The following SLC16A1 variants were observed in gnomAD, a reference collection of about 807,000 sequenced individuals.
SLC16A1 encodes solute carrier family 16 member 1.
In SLC16A1, 11 loss-of-function variants were observed where a neutral mutation model predicts 32.2. That is an observed-to-expected ratio of 0.34 (90% CI 0.21 to 0.56). SLC16A1 has a LOEUF of 0.56. Ranked by LOEUF, SLC16A1 falls within the 20% of genes least tolerant of loss-of-function variation. The pLI, the probability that SLC16A1 is intolerant of heterozygous loss-of-function variation, is 0.87. For synonymous variants in SLC16A1, 231 were observed against 226.8 expected (o/e 1.02, Z -0.17); for missense variants, 435 against 615.0 (o/e 0.71, Z 3.10).
intron 4 of SLC16A1, among the ~76,000 whole-genome samples, chr1:112,915,775 A>AAGG (rs2101619587): frequency 6.6e-6 from 1 of 151,750 alleles, no homozygotes; most frequent in South Asian, 2.1e-4. Flanking sequence ...TATGAGATGG[A>AAGG]AGAAGACAGT....
intron 1 of SLC16A1, among the ~76,000 whole-genome samples, chr1:112,938,304 CTGT>C (rs1557852689): frequency 6.6e-6 from 1 of 152,126 alleles, no homozygotes; most frequent in African/African-American, 2.4e-5. Flanking sequence ...AGTAGATAAC[CTGT>C]TGTTCTCTGT....
intron 1 of SLC16A1, chr1:112,955,793 A>T (rs1382274002): frequency 6.6e-6 from 1 of 152,334 alleles, no homozygotes; most frequent in African/African-American, 2.4e-5. Flanking sequence ...TGGGACCGGC[A>T]TCTTAGCACG....
chr1:112,943,098 GATTTT>G (rs1221259128), intron 1 of SLC16A1, among the ~76,000 whole-genome samples: 1 of 152,136 alleles, frequency 6.6e-6, no homozygotes, highest in Non-Finnish European at 1.5e-5. Flanking sequence ...AAATAAGCAT[GATTTT>G]ATTTAGGGAG....
intron 1 of SLC16A1, among the ~76,000 whole-genome samples, chr1:112,945,482 C>G (rs913252904): frequency 6.6e-6 from 1 of 150,744 alleles, no homozygotes; most frequent in Non-Finnish European, 1.5e-5. Flanking sequence ...TGAGACCAGC[C>G]TGGCCAACGT....
At chr1:112,922,235 C>A (rs1648762773) in intron 2 of SLC16A1, 102 bp from the exon 3 acceptor site, 4 of 1,093,234 alleles carry the variant, frequency 3.7e-6, no homozygotes, top group Non-Finnish European at 5.5e-6. Flanking sequence ...AATAAACAAG[C>A]AGCAATGATA....
chr1:112,935,375 C>T (rs776195538), intron 1 of SLC16A1, among the ~76,000 whole-genome samples: 6 of 151,958 alleles, frequency 3.9e-5, no homozygotes, highest in Admixed American at 6.6e-5. Flanking sequence ...CACTACTGTA[C>T]TACAGCCTGG....
chr1:112,943,315 G>A (rs1291343865), intron 1 of SLC16A1, among the ~76,000 whole-genome samples: 1 of 152,104 alleles, frequency 6.6e-6, no homozygotes, highest in Non-Finnish European at 1.5e-5. Context: ...CAGCTACTCA[G>A]AAGACTCTCT....
intron 1 of SLC16A1, among the ~76,000 whole-genome samples, chr1:112,942,483 T>C (rs996343194): frequency 2.6e-5 from 4 of 152,230 alleles, no homozygotes; most frequent in Non-Finnish European, 4.4e-5. Flanking sequence ...ACATGTATTA[T>C]AAATATTTCT....
At chr1:112,950,469 A>G (rs1363286804) in intron 1 of SLC16A1, among the ~76,000 whole-genome samples, 1 of 152,252 alleles carries the variant, frequency 6.6e-6, no homozygotes, top group Admixed American at 6.5e-5. Context: ...CGATATCAGT[A>G]GATTTTGAGG....
chr1:112,952,944 G>A (rs1348514715), intron 1 of SLC16A1, among the ~76,000 whole-genome samples: 3 of 152,002 alleles, frequency 2.0e-5, no homozygotes, highest in Non-Finnish European at 4.4e-5. Flanking sequence ...TATCCTTAAC[G>A]TCTCTGACTT....
chr1:112,923,425 G>A, intron 2 of SLC16A1: 1 of 673,680 alleles, frequency 1.5e-6, no homozygotes, highest in Admixed American at 2.1e-5. Context: ...CCGCCATCAT[G>A]TCCCGGCCCT....
In SLC16A1 at chr1:112,913,978, C is replaced by T. The variant is rs773219691; in HGVS notation, c.1416G>A (p.Gly472=). The part of the protein sequence containing the change: ...KEEETSIDVA[G]KPNEVTKAAE... ...CTGCTTTGGTAACTTCATTTGGCTTCCCAGCAACATCTATACTGGTCTCTT... is the reference window on the plus strand; with the variant it reads ...CTGCTTTGGTAACTTCATTTGGCTTTCCAGCAACATCTATACTGGTCTCTT... The change falls in exon 5 of 5, where the codon GGG becomes GGA. Residue 472 remains glycine (G), a synonymous_variant. Coordinates refer to ENST00000369626, the MANE Select transcript of SLC16A1 (RefSeq NM_003051.4). 6.2e-7 allele frequency: 1 copy of T among 1,614,160 alleles called. No homozygotes were observed. The highest frequency in any genetic ancestry group is 8.5e-7 in the Non-Finnish European group (1 of 1,180,024).
chr1:112,923,629 A>G, intron 2 of SLC16A1: 3 of 1,434,626 alleles, frequency 2.1e-6, no homozygotes, highest in Middle Eastern at 3.9e-4. Flanking sequence ...CTCCGGTTCC[A>G]GCTGGAGACG....
chr1:112,953,001 T>C (rs550961416), intron 1 of SLC16A1, among the ~76,000 whole-genome samples: 1 of 152,284 alleles, frequency 6.6e-6, no homozygotes, highest in South Asian at 2.1e-4. Flanking sequence ...CACCAAATCC[T>C]GTCTGTTTCT....
chr1:112,933,124 A>G (rs542424899), intron 1 of SLC16A1, among the ~76,000 whole-genome samples: 1 of 152,276 alleles, frequency 6.6e-6, no homozygotes, highest in South Asian at 2.1e-4. Flanking sequence ...GGACTGAAAG[A>G]CTCAATATTT....
At chr1:112,935,121 G>T (rs1356703223) in intron 1 of SLC16A1, among the ~76,000 whole-genome samples, 1 of 152,126 alleles carries the variant, frequency 6.6e-6, no homozygotes, top group African/African-American at 2.4e-5. Context: ...ACTAGAAATG[G>T]AAAGTAAAGT....
At chr1:112,935,727 AT>A (rs1242689935) in intron 1 of SLC16A1, 3 of 152,230 alleles carry the variant, frequency 2.0e-5, no homozygotes, top group African/African-American at 7.2e-5. Context: ...AAAGAGAAAA[AT>A]CTTAGAAGAC....
At chr1:112,941,173 C>T (rs1029916301) in intron 1 of SLC16A1, among the ~76,000 whole-genome samples, 3 of 151,824 alleles carry the variant, frequency 2.0e-5, no homozygotes, top group Admixed American at 1.3e-4. Context: ...TGCACATGTA[C>T]CCCAGAATCT....
chr1:112,939,811 A>T (rs1287446504), intron 1 of SLC16A1, among the ~76,000 whole-genome samples: 1 of 152,078 alleles, frequency 6.6e-6, no homozygotes, highest in Non-Finnish European at 1.5e-5. Flanking sequence ...TGCATTTGTC[A>T]GCTTTTTAAA....
Sources: gnomAD v4.1 joint callset for allele counts (sites outside exome capture counted in the v4.1 genomes callset) on GRCh38, gnomAD v4.1.1 for gene constraint, MANE v1.5 for transcripts, NCBI Gene and HGNC (gene_info 2026-07-23, HGNC 2026-07-21) for gene names.